FIP1L1: variants seen among roughly 807,000 people sequenced by gnomAD.
FIP1L1 encodes the protein pre-mRNA 3'-end-processing factor FIP1.
A neutral mutation model predicts 84.6 loss-of-function variants in FIP1L1; 21 were observed. The ratio of observed to expected loss-of-function variants is 0.25; its 90% CI spans 0.18 to 0.36. The LOEUF (loss-of-function observed/expected upper bound fraction) is 0.36, where lower values mean the gene tolerates loss of function less well. Among genes scored for constraint, FIP1L1 ranks in the 10% least tolerant of loss-of-function variants. The pLI, the probability that FIP1L1 is intolerant of heterozygous loss-of-function variation, is 1.00. For missense variants in FIP1L1, 526 were observed against 751.1 expected, an observed-to-expected ratio of 0.70 and a Z score of 3.50; for synonymous variants, 263 against 242.3, an observed-to-expected ratio of 1.09 and a Z score of -0.80.
intron 13 of FIP1L1, among the ~76,000 whole-genome samples, chr4:53,435,414 G>T (rs185372202): frequency 6.6e-6 from 1 of 151,944 alleles, no homozygotes. Context: ...TCTTTTGATC[G>T]TCTCATGATT....
At position 53,428,080 on chromosome 4, in the gene FIP1L1, T is replaced by C. The variant is rs267600183; in HGVS notation, c.1071T>C (p.Pro357=). Residue 357 remains proline (P), a synonymous_variant, in exon 13 of 18, where the codon CCT becomes CCC. Transcript: ENST00000337488. The stretch of plus-strand genomic sequence containing the variant: ...TAGACAACAATTTTAGCAAACCACC[T>C]CCGTTTTTCCCTCCAGGAGCTCCTC... ...TEVDNNFSKP[P]PFFPPGAPPT... is the part of the protein sequence containing the mutation. 1 of 1,610,464 alleles carries C rather than the reference T, an allele frequency of 6.2e-7. No homozygotes were observed. The highest frequency in any genetic ancestry group is 8.5e-7 in the Non-Finnish European group (1 of 1,177,414).
intron 11 of FIP1L1, among the ~76,000 whole-genome samples, chr4:53,424,468 G>T (rs1021668033): frequency 3.3e-5 from 5 of 152,020 alleles, no homozygotes; most frequent in African/African-American, 1.2e-4. Context: ...CATGATCTTT[G>T]GGATCATGAG....
intron 16 of FIP1L1, among the ~76,000 whole-genome samples, chr4:53,456,141 A>G (rs1718788710): frequency 6.6e-6 from 1 of 152,156 alleles, no homozygotes; most frequent in Non-Finnish European, 1.5e-5. Flanking sequence ...TGTCTCTAGA[A>G]TGTACATGTT....
chr4:53,459,772 T>C lies in FIP1L1; in HGVS notation c.*323T>C. On this transcript the variant is annotated 3_prime_UTR_variant, in exon 18 of 18. Coordinates refer to ENST00000337488, the MANE Select transcript of FIP1L1 (RefSeq NM_030917.4). ...TCTGAGAAAAGGTCAAGGGTTCCAC[T>C]TGGGCCACAGTTTTTTTGTTAATCA... 1 of 328,776 alleles carries C rather than the reference T, an allele frequency of 3.0e-6. No homozygotes were observed. Among genetic ancestry groups the C allele is most frequent in the Non-Finnish European group, 5.6e-6 (1 of 177,198 alleles). 20.4% of individuals were successfully genotyped at this position (328,776 alleles called of 1,614,324 possible).
intron 11 of FIP1L1, among the ~76,000 whole-genome samples, chr4:53,424,289 C>T (rs1763503829): frequency 1.3e-5 from 2 of 152,018 alleles, no homozygotes; most frequent in South Asian, 4.2e-4. Flanking sequence ...ATGGCATGTG[C>T]TTTGATAATG....
At chr4:53,449,209 A>G (rs1162448844) in intron 15 of FIP1L1, among the ~76,000 whole-genome samples, 1 of 152,006 alleles carries the variant, frequency 6.6e-6, no homozygotes, top group African/African-American at 2.4e-5. Flanking sequence ...GAGTTCTTGT[A>G]TGATTCCTTT....
chr4:53,460,670 TAA>T lies in FIP1L1; in HGVS notation c.*1223_*1224del, dbSNP rs1440636277. ...GGCTTTTTATTGAATAGAAAAAATATAAACAATGTTGTAGAGTAATGAGAAAT... is the reference window on the plus strand; with the variant it reads ...GGCTTTTTATTGAATAGAAAAAATATACAATGTTGTAGAGTAATGAGAAAT... On this transcript the variant is annotated 3_prime_UTR_variant, in exon 18 of 18. Transcript: ENST00000337488. 1.5e-5 allele frequency: 6 copies of T among 404,096 alleles called. No individual in the cohort carries two copies. In the Admixed American group the frequency reaches 2.8e-4, roughly 19 times the overall value. The allele number at this position is 404,096 out of a possible 1,614,324, so 25.0% of individuals were successfully genotyped here.
chr4:53,395,332 A>G (rs1321975453), intron 9 of FIP1L1, among the ~76,000 whole-genome samples: 1 of 152,188 alleles, frequency 6.6e-6, no homozygotes, highest in Non-Finnish European at 1.5e-5. Context: ...TTAAAAATCT[A>G]TGCCATTTTC....
At chr4:53,422,000 C>T (rs1471231110) in intron 11 of FIP1L1, among the ~76,000 whole-genome samples, 1 of 152,232 alleles carries the variant, frequency 6.6e-6, no homozygotes, top group African/African-American at 2.4e-5. Flanking sequence ...CGTTGTTTTG[C>T]TTCCCCTGAT....
chr4:53,409,239 T>C (rs1010021109), intron 10 of FIP1L1, among the ~76,000 whole-genome samples: 5 of 152,220 alleles, frequency 3.3e-5, no homozygotes, highest in African/African-American at 1.2e-4. Context: ...TGCAGGTCTG[T>C]TGGAGTTTGC....
chr4:53,430,245 A>T (rs1399433220), intron 13 of FIP1L1, among the ~76,000 whole-genome samples: 1 of 151,996 alleles, frequency 6.6e-6, no homozygotes, highest in Admixed American at 6.6e-5. Context: ...GTATAAGAAT[A>T]TTCGAAACTC....
At chr4:53,438,495 T>TGA (rs1770466554) in intron 13 of FIP1L1, among the ~76,000 whole-genome samples, 2 of 152,222 alleles carry the variant, frequency 1.3e-5, no homozygotes. Context: ...AACATTTACT[T>TGA]ATAAAGATTT....
intron 13 of FIP1L1, among the ~76,000 whole-genome samples, chr4:53,441,336 A>G (rs893539232): frequency 7.9e-5 from 12 of 151,922 alleles, no homozygotes; most frequent in Non-Finnish European, 1.8e-4. Context: ...AATAAACAGA[A>G]AGAGTGAAGT....
chr4:53,424,644 G>A (rs909581944), intron 11 of FIP1L1, among the ~76,000 whole-genome samples: 1 of 152,096 alleles, frequency 6.6e-6, no homozygotes, highest in Non-Finnish European at 1.5e-5. Context: ...GCTTTTTATA[G>A]GGCTGTCTTT....
chr4:53,435,103 CTG>C (rs1768525029), intron 13 of FIP1L1, among the ~76,000 whole-genome samples: 1 of 152,080 alleles, frequency 6.6e-6, no homozygotes, highest in South Asian at 2.1e-4. Context: ...TTTTTGAAAA[CTG>C]TATTTATTCT....
At chr4:53,436,770 T>C (rs1769400600) in intron 13 of FIP1L1, among the ~76,000 whole-genome samples, 1 of 152,226 alleles carries the variant, frequency 6.6e-6, no homozygotes, top group African/African-American at 2.4e-5. Context: ...GGGTAAATTC[T>C]TTTTAATATG....
At chr4:53,418,535 A>C (rs1390001426) in intron 11 of FIP1L1, among the ~76,000 whole-genome samples, 1 of 152,212 alleles carries the variant, frequency 6.6e-6, no homozygotes, top group Non-Finnish European at 1.5e-5. Flanking sequence ...ACTAATTAGA[A>C]GAGTGAAGCA....
At chr4:53,432,225 A>G (rs1364116090) in intron 13 of FIP1L1, among the ~76,000 whole-genome samples, 1 of 151,738 alleles carries the variant, frequency 6.6e-6, no homozygotes, top group Non-Finnish European at 1.5e-5. Context: ...GTGAAACTCC[A>G]TCTTTACTAA....
chr4:53,381,890 G>T (rs1399667952), intron 3 of FIP1L1, among the ~76,000 whole-genome samples: 1 of 150,398 alleles, frequency 6.6e-6, no homozygotes, highest in Non-Finnish European at 1.5e-5. Context: ...AGCCTTCCGA[G>T]TAGCTGGGAT....
Sources: allele counts gnomAD v4.1 joint callset (sites outside exome capture counted in the v4.1 genomes callset), GRCh38; gene constraint gnomAD v4.1.1; transcripts MANE v1.5; gene names NCBI Gene and HGNC (gene_info 2026-07-23, HGNC 2026-07-21).